The following UNC13C variants were observed in gnomAD, a reference collection of about 807,000 sequenced individuals.
UNC13C encodes unc-13 homolog C.
In UNC13C, 174 loss-of-function variants were observed where a neutral mutation model predicts 245.4. The ratio of observed to expected loss-of-function variants is 0.71; its 90% CI spans 0.63 to 0.80. The LOEUF (loss-of-function observed/expected upper bound fraction) is 0.80, where lower values mean the gene tolerates loss of function less well. Ranked by LOEUF, UNC13C falls within the 30% of genes least tolerant of loss-of-function variation. UNC13C has a pLI of 0.00. For missense variants in UNC13C, 2,829 were observed against 2,602.9 expected (o/e 1.09, Z -1.89); for synonymous variants, 992 against 895.1 (o/e 1.11, Z -1.93).
intron 8 of UNC13C, among the ~76,000 whole-genome samples, chr15:54,251,919 G>A (rs2036162382): frequency 6.6e-6 from 1 of 152,194 alleles, no homozygotes; most frequent in Non-Finnish European, 1.5e-5. Context: ...GATTGAGGCT[G>A]TGTTAATGGT....
intron 7 of UNC13C, among the ~76,000 whole-genome samples, chr15:54,249,155 G>T (rs1389115911): frequency 1.3e-5 from 2 of 152,030 alleles, no homozygotes; most frequent in Non-Finnish European, 2.9e-5. Flanking sequence ...CCTGCTTTGT[G>T]GGATATGAGA....
chr15:54,556,816 A>G (rs62022750), intron 29 of UNC13C, among the ~76,000 whole-genome samples: 9,300 of 152,016 alleles, frequency 0.061, 394 homozygotes, highest in Admixed American at 0.13. Context: ...TCTGAATTCA[A>G]CTCTTCATGC....
intron 30 of UNC13C, among the ~76,000 whole-genome samples, chr15:54,580,115 T>A (rs1304161409): frequency 2.0e-5 from 3 of 152,220 alleles, no homozygotes; most frequent in African/African-American, 7.2e-5. Flanking sequence ...ACAATTTCTC[T>A]GGACCCACTG....
intron 19 of UNC13C, among the ~76,000 whole-genome samples, chr15:54,452,725 C>T (rs1049009319): frequency 6.6e-6 from 1 of 152,212 alleles, no homozygotes; most frequent in African/African-American, 2.4e-5. Flanking sequence ...GCACTGTGGC[C>T]CTGCTACTGC....
intron 19 of UNC13C, among the ~76,000 whole-genome samples, chr15:54,492,551 T>A (rs369230851): frequency 1.3e-5 from 2 of 152,194 alleles, no homozygotes; most frequent in East Asian, 3.8e-4. Flanking sequence ...CTTAACATAG[T>A]TCTCAGCCAT....
At chr15:54,005,936 G>T (rs1895115561) in intron 1 of UNC13C, among the ~76,000 whole-genome samples, 1 of 152,102 alleles carries the variant, frequency 6.6e-6, no homozygotes, top group African/African-American at 2.4e-5. Flanking sequence ...TCAATGGGAA[G>T]GTTTGAAATG....
chr15:54,142,263 T>C (rs2032057182), intron 2 of UNC13C, among the ~76,000 whole-genome samples: 1 of 152,186 alleles, frequency 6.6e-6, no homozygotes, highest in African/African-American at 2.4e-5. Flanking sequence ...CCCTATGATT[T>C]ATCTTGCATT....
chr15:53,914,925 C>T, the UNC13C span, among the ~76,000 whole-genome samples: 8 of 152,026 alleles, frequency 5.3e-5, no homozygotes, highest in African/African-American at 1.5e-4. Flanking sequence ...TACTGTATTC[C>T]TTTGTTTCTT....
intron 4 of UNC13C, among the ~76,000 whole-genome samples, chr15:54,153,758 G>C (rs1011863672): frequency 2.2e-4 from 33 of 152,042 alleles, no homozygotes; most frequent in Admixed American, 5.9e-4. Flanking sequence ...ATTTGCAAAG[G>C]AATTTCAGGA....
chr15:54,281,093 C>T (rs1457406538), intron 10 of UNC13C, among the ~76,000 whole-genome samples: 1 of 152,050 alleles, frequency 6.6e-6, no homozygotes, highest in Admixed American at 6.6e-5. Flanking sequence ...CCACCATGCC[C>T]GGCCAACACT....
chr15:54,197,950 C>T (rs753343115), intron 4 of UNC13C, among the ~76,000 whole-genome samples: 17 of 152,020 alleles, frequency 1.1e-4, no homozygotes, highest in Non-Finnish European at 1.9e-4. Flanking sequence ...TCACCAGCTG[C>T]CTGGAAATAG....
chr15:54,249,853 G>A (rs950049791), intron 7 of UNC13C, among the ~76,000 whole-genome samples: 5 of 152,106 alleles, frequency 3.3e-5, no homozygotes, highest in African/African-American at 1.2e-4. Flanking sequence ...AGGACAAGGG[G>A]GTCAGGAAAT....
At chr15:54,584,286 CTA>C (rs1596615693) in intron 30 of UNC13C, among the ~76,000 whole-genome samples, 1 of 152,228 alleles carries the variant, frequency 6.6e-6, no homozygotes, top group East Asian at 1.9e-4. Flanking sequence ...TTAGAACACA[CTA>C]GACCTATTCT....
chr15:53,953,311 G>T, the UNC13C span, among the ~76,000 whole-genome samples: 1 of 152,192 alleles, frequency 6.6e-6, no homozygotes, highest in Admixed American at 6.5e-5. Flanking sequence ...GAGCTTGCCA[G>T]CTAAGCAGGC....
Position 54,212,602 on chromosome 15 carries a change from A to G in UNC13C, c.3072-22428A>G, listed in dbSNP as rs17818260. 7.5e-3 allele frequency among the ~76,000 whole-genome samples: 1,140 copies of G among 152,214 alleles called. 4 individuals carry two copies. Among genetic ancestry groups the G allele is most frequent in the Admixed American group, 0.017 (261 of 15,270 alleles). On this transcript the variant is annotated intron_variant, in intron 4 of 32. Transcript: ENST00000260323. ...CTTCTTTTGCTTCTCCAGCCAGCACAACCAAATATCCCAAATCTACATAGT... is the reference window on the plus strand; with the variant it reads ...CTTCTTTTGCTTCTCCAGCCAGCACGACCAAATATCCCAAATCTACATAGT...
chr15:53,873,901 TTCCTTCCTTCCTTCCTTCCTTTCTTCC>T, the UNC13C span, among the ~76,000 whole-genome samples: 1 of 27,800 alleles, frequency 3.6e-5, no homozygotes, highest in Non-Finnish European at 7.3e-5. Flanking sequence ...TTCTCTTTCC[TTCCTTCCTTCCTTCCTTCCTTTCTTCC>T]TTCCTTCCTT....
chr15:54,017,704 C>T (rs1367235338), intron 2 of UNC13C, among the ~76,000 whole-genome samples: 1 of 152,060 alleles, frequency 6.6e-6, no homozygotes, highest in African/African-American at 2.4e-5. Context: ...TGATGGTGAC[C>T]CTTCAGCCAG....
chr15:53,978,507 C>T lies in UNC13C; in HGVS notation c.-677C>T, dbSNP rs1050376463. Among the ~76,000 whole-genome samples the T allele has an allele frequency of 3.3e-5, 5 of 152,172 alleles. No homozygotes were observed. The highest frequency in any genetic ancestry group is 7.2e-5 in the African/African-American group (3 of 41,450). On this transcript the variant is annotated 5_prime_UTR_variant, in exon 1 of 33. Coordinates refer to ENST00000260323, the MANE Select transcript of UNC13C (RefSeq NM_001080534.3). ...GCACGCACTCAGCCCGGCTGCTCCT[C>T]ACCCTCAAATGTTGATGAGCCTGGG...
At chr15:54,209,597 A>G (rs530417692) in intron 4 of UNC13C, among the ~76,000 whole-genome samples, 2 of 152,066 alleles carry the variant, frequency 1.3e-5, no homozygotes, top group South Asian at 4.2e-4. Flanking sequence ...GTTTTTTTGT[A>G]GAGACAGGAT....
Sources: gnomAD v4.1 joint callset for allele counts (sites outside exome capture counted in the v4.1 genomes callset) on GRCh38, gnomAD v4.1.1 for gene constraint, MANE v1.5 for transcripts, NCBI Gene and HGNC (gene_info 2026-07-23, HGNC 2026-07-21) for gene names.